The following FBXW10B variants were observed in gnomAD, a reference collection of about 807,000 sequenced individuals.
FBXW10B encodes the protein F-box and WD repeat domain containing 10B, also known as F-box and WD repeat domain containing protein 10B.
chr17:15,575,818 T>C, the FBXW10B span, among the ~76,000 whole-genome samples: 2,599 of 149,954 alleles, frequency 0.017, 38 homozygotes, highest in South Asian at 0.035. Flanking sequence ...ACAAAAGTAC[T>C]TAAGGCAAAG....
chr17:15,610,338 AG>A, the FBXW10B span, among the ~76,000 whole-genome samples: 1 of 151,640 alleles, frequency 6.6e-6, no homozygotes. Context: ...AGAGTTTATC[AG>A]ATGCTTGGAC....
chr17:15,573,824 T>A, the FBXW10B span: 1 of 307,070 alleles, frequency 3.3e-6, no homozygotes, highest in Non-Finnish European at 5.9e-6. Flanking sequence ...ACCCTTTGCA[T>A]TTTAAGCAAC....
At chr17:15,569,104 A>G in the FBXW10B span, 1 of 619,382 alleles carries the variant, frequency 1.6e-6, no homozygotes, top group Admixed American at 4.3e-5. Flanking sequence ...AAACATGAGT[A>G]CAGGTATCTT....
chr17:15,593,710 C>A, the FBXW10B span, among the ~76,000 whole-genome samples: 2 of 151,086 alleles, frequency 1.3e-5, no homozygotes, highest in South Asian at 2.1e-4. Flanking sequence ...CTCACTGCAA[C>A]CTGCACCTAC....
At chr17:15,569,426 G>A in the FBXW10B span, among the ~76,000 whole-genome samples, 8 of 137,656 alleles carry the variant, frequency 5.8e-5, no homozygotes, top group East Asian at 8.4e-4. Flanking sequence ...TTGGCTATTC[G>A]TATGTCTTCT....
the FBXW10B span, among the ~76,000 whole-genome samples, chr17:15,595,236 T>A: frequency 3.3e-5 from 5 of 151,774 alleles, no homozygotes; most frequent in Non-Finnish European, 7.4e-5. Flanking sequence ...GCCACTCGGG[T>A]GGCTGAGGCA....
At chr17:15,577,573 T>C in the FBXW10B span, among the ~76,000 whole-genome samples, 1 of 152,226 alleles carries the variant, frequency 6.6e-6, no homozygotes. Context: ...ACTTAGTCTA[T>C]CACTTGTAGC....
the FBXW10B span, chr17:15,615,773 G>A: frequency 8.7e-6 from 14 of 1,613,808 alleles, no homozygotes; most frequent in Non-Finnish European, 1.2e-5. Flanking sequence ...GTCTTTCTCA[G>A]GGGAAAAACA....
the FBXW10B span, among the ~76,000 whole-genome samples, chr17:15,601,925 G>T: frequency 0.13 from 19,625 of 151,990 alleles, 1,842 homozygotes; most frequent in African/African-American, 0.26. Context: ...ATCCTGGCTA[G>T]CACAGAGAAA....
At chr17:15,586,646 T>C in the FBXW10B span, among the ~76,000 whole-genome samples, 3 of 151,476 alleles carry the variant, frequency 2.0e-5, no homozygotes, top group Non-Finnish European at 2.9e-5. Flanking sequence ...AGGGATACAG[T>C]TGAGGAACAA....
At chr17:15,600,141 G>A in the FBXW10B span, among the ~76,000 whole-genome samples, 1 of 151,842 alleles carries the variant, frequency 6.6e-6, no homozygotes, top group Non-Finnish European at 1.5e-5. Flanking sequence ...GCGTGAACCT[G>A]GGAGGCGGAG....
the FBXW10B span, chr17:15,614,095 A>G: frequency 5.2e-3 from 7,887 of 1,508,866 alleles, 438 homozygotes; most frequent in African/African-American, 0.11. Context: ...CCAGGCCGAG[A>G]ACAAGTCCCC....
the FBXW10B span, among the ~76,000 whole-genome samples, chr17:15,569,600 C>T: frequency 6.6e-6 from 1 of 151,210 alleles, no homozygotes; most frequent in South Asian, 2.1e-4. Context: ...GCTGGAATTA[C>T]AGGTGCCAGT....
chr17:15,572,042 A>G, the FBXW10B span: 4 of 150,510 alleles, frequency 2.7e-5, no homozygotes, highest in Non-Finnish European at 4.4e-5. Flanking sequence ...AGATAAATTT[A>G]TATGTTCCAT....
the FBXW10B span, chr17:15,572,467 A>C: frequency 6.6e-6 from 1 of 152,114 alleles, no homozygotes; most frequent in Non-Finnish European, 1.5e-5. Flanking sequence ...GCATCTCTGG[A>C]TGTTACACTC....
chr17:15,617,191 C>T, the FBXW10B span, among the ~76,000 whole-genome samples: 1 of 152,196 alleles, frequency 6.6e-6, no homozygotes, highest in Admixed American at 6.5e-5. Flanking sequence ...TTCTTCCATA[C>T]CCCTGACACA....
the FBXW10B span, among the ~76,000 whole-genome samples, chr17:15,580,151 G>A: frequency 1.7e-4 from 26 of 151,752 alleles, no homozygotes; most frequent in East Asian, 4.4e-3. Flanking sequence ...ATTTGCATGC[G>A]TGAGTGAATG....
chr17:15,605,610 T>C, the FBXW10B span, among the ~76,000 whole-genome samples: 2 of 152,180 alleles, frequency 1.3e-5, no homozygotes, highest in South Asian at 2.1e-4. Flanking sequence ...TCTCATACGA[T>C]GACAAAAATC....
chr17:15,599,977 G>A, the FBXW10B span, among the ~76,000 whole-genome samples: 1 of 151,902 alleles, frequency 6.6e-6, no homozygotes, highest in Non-Finnish European at 1.5e-5. Context: ...AGCACTTTGG[G>A]AGGCTGAGGC....
Sources: allele counts gnomAD v4.1 joint callset (sites outside exome capture counted in the v4.1 genomes callset), GRCh38; gene constraint gnomAD v4.1.1; transcripts MANE v1.5; gene names NCBI Gene and HGNC (gene_info 2026-07-23, HGNC 2026-07-21).